Variants in XKR4 observed in about 807,000 individuals in gnomAD.
XKR4 encodes XK-related protein 4.
In XKR4, 12 loss-of-function variants were observed where a neutral mutation model predicts 53.9. The observed-to-expected ratio is 0.22, with a 90% CI of 0.14 to 0.36. XKR4 has a LOEUF of 0.36. Among genes scored for constraint, XKR4 ranks in the 10% least tolerant of loss-of-function variants. The pLI is 1.00. For missense variants in XKR4, 799 were observed against 859.5 expected, an observed-to-expected ratio of 0.93 and a Z score of 0.88; for synonymous variants, 354 against 362.4, an observed-to-expected ratio of 0.98 and a Z score of 0.26.
intron 1 of XKR4, among the ~76,000 whole-genome samples, chr8:55,140,903 G>A (rs1816692866): frequency 1.3e-5 from 2 of 152,154 alleles, no homozygotes; most frequent in Admixed American, 1.3e-4. Flanking sequence ...ATGAACTGTA[G>A]ATGTTCATTT....
intron 2 of XKR4, among the ~76,000 whole-genome samples, chr8:55,440,107 A>T (rs1387794923): frequency 1.3e-5 from 2 of 152,212 alleles, no homozygotes; most frequent in Admixed American, 6.5e-5. Flanking sequence ...GAGAAATTTT[A>T]AAAAACTATC....
chr8:55,143,841 A>T (rs12676272), intron 1 of XKR4, among the ~76,000 whole-genome samples: 43,226 of 152,160 alleles, frequency 0.28, 6,234 homozygotes, highest in South Asian at 0.36. Flanking sequence ...TCCGGTAAAT[A>T]CAGCAAAGAG....
intron 1 of XKR4, among the ~76,000 whole-genome samples, chr8:55,248,419 A>G (rs1388767152): frequency 3.3e-5 from 5 of 152,250 alleles, no homozygotes; most frequent in Admixed American, 3.3e-4. Context: ...ATAGCTCAGC[A>G]TTAGCAGACG....
At chr8:55,235,910 C>T (rs941493860) in intron 1 of XKR4, among the ~76,000 whole-genome samples, 7 of 152,166 alleles carry the variant, frequency 4.6e-5, no homozygotes, top group Non-Finnish European at 1.0e-4. Context: ...AGCTTTGGGC[C>T]ATGATTTTTC....
chr8:55,115,455 A>T (rs1031939), intron 1 of XKR4, among the ~76,000 whole-genome samples: 128,758 of 152,038 alleles, frequency 0.85, 54,627 homozygotes, highest in East Asian at 0.93. Flanking sequence ...AATGTTTTGA[A>T]TGGCAAAAGA....
chr8:55,133,746 ATATTTGC>A (rs1816587651), intron 1 of XKR4, among the ~76,000 whole-genome samples: 1 of 152,266 alleles, frequency 6.6e-6, no homozygotes, highest in African/African-American at 2.4e-5. Context: ...ATAATGAAGG[ATATTTGC>A]TCACCTCAGT....
intron 1 of XKR4, among the ~76,000 whole-genome samples, chr8:55,157,298 T>G (rs769882136): frequency 6.6e-6 from 1 of 152,204 alleles, no homozygotes; most frequent in Non-Finnish European, 1.5e-5. Flanking sequence ...TGGAATAATG[T>G]GTATTGAAGG....
intron 1 of XKR4, among the ~76,000 whole-genome samples, chr8:55,276,800 CA>C (rs935760115): frequency 5.7e-4 from 87 of 151,530 alleles, no homozygotes; most frequent in African/African-American, 1.9e-3. Context: ...TGCAATAATT[CA>C]AAAAAAGGGC....
At chr8:55,149,227 C>G (rs1336164924) in intron 1 of XKR4, among the ~76,000 whole-genome samples, 1 of 152,178 alleles carries the variant, frequency 6.6e-6, no homozygotes, top group African/African-American at 2.4e-5. Flanking sequence ...ATCCAGCTAT[C>G]CTGATTGTCC....
chr8:55,401,927 TA>T (rs1804607275), intron 2 of XKR4, among the ~76,000 whole-genome samples: 1 of 152,236 alleles, frequency 6.6e-6, no homozygotes, highest in Non-Finnish European at 1.5e-5. Flanking sequence ...AAATTAGCAT[TA>T]CATGTTAACA....
At chr8:55,397,146 A>G (rs1358646655) in intron 2 of XKR4, among the ~76,000 whole-genome samples, 2 of 152,262 alleles carry the variant, frequency 1.3e-5, no homozygotes, top group African/African-American at 4.8e-5. Context: ...AACTCAAAAG[A>G]AAATTAACTT....
chr8:55,527,088 C>T lies in XKR4; in HGVS notation c.*2861C>T, dbSNP rs1473458302. On this transcript the variant is annotated 3_prime_UTR_variant, in exon 3 of 3. Coordinates refer to ENST00000327381, the MANE Select transcript of XKR4 (RefSeq NM_052898.2). ...AGCCTTGCTTCCATGATTCAGGAAGCACTACACTGCCATCAGACTGTTGTG... is the reference window on the plus strand; with the variant it reads ...AGCCTTGCTTCCATGATTCAGGAAGTACTACACTGCCATCAGACTGTTGTG... 6.6e-6 allele frequency: 1 copy of T among 152,152 alleles called. No individual in the cohort carries two copies. Among genetic ancestry groups the T allele is most frequent in the African/African-American group, 2.4e-5 (1 of 41,448 alleles). The allele number at this position is 152,152 out of a possible 1,614,324, so 9.4% of individuals were successfully genotyped here. A position where few individuals can be genotyped will look rare whatever the true frequency, so the allele number is the denominator to read the frequency against.
chr8:55,487,524 C>T (rs369624805), intron 2 of XKR4, among the ~76,000 whole-genome samples: 67 of 151,184 alleles, frequency 4.4e-4, no homozygotes, highest in African/African-American at 1.5e-3. Flanking sequence ...TGGAGCACAG[C>T]GGAACAATCC....
chr8:55,133,480 G>A (rs955780797), intron 1 of XKR4, among the ~76,000 whole-genome samples: 2 of 152,120 alleles, frequency 1.3e-5, no homozygotes, highest in Non-Finnish European at 2.9e-5. Context: ...TTCAATGGTT[G>A]GTCTAATGGA....
intron 1 of XKR4, among the ~76,000 whole-genome samples, chr8:55,304,704 A>G (rs1819265062): frequency 6.6e-6 from 1 of 152,160 alleles, no homozygotes; most frequent in Non-Finnish European, 1.5e-5. Context: ...ATATATATTT[A>G]GGATAGATAG....
At chr8:55,223,787 C>T (rs369198755) in intron 1 of XKR4, among the ~76,000 whole-genome samples, 4 of 152,110 alleles carry the variant, frequency 2.6e-5, no homozygotes, top group African/African-American at 4.8e-5. Context: ...TGTTACCTTT[C>T]GCCGGAGGGC....
intron 1 of XKR4, among the ~76,000 whole-genome samples, chr8:55,178,910 C>T (rs1300131185): frequency 1.3e-5 from 2 of 152,164 alleles, no homozygotes; most frequent in Non-Finnish European, 2.9e-5. Flanking sequence ...ACACTCCTCT[C>T]AGTAGCAGAG....
intron 1 of XKR4, among the ~76,000 whole-genome samples, chr8:55,172,201 A>ACT (rs1279039729): frequency 2.0e-5 from 3 of 146,578 alleles, no homozygotes; most frequent in Non-Finnish European, 1.5e-5. Flanking sequence ...ACAGAGCAAG[A>ACT]CTCTCTCTCA....
At chr8:55,367,941 C>CGTTTT (rs903041389) in intron 2 of XKR4, among the ~76,000 whole-genome samples, 8 of 151,886 alleles carry the variant, frequency 5.3e-5, no homozygotes, top group South Asian at 2.1e-4. Context: ...CATAGCGATG[C>CGTTTT]GTTTTGTTTT....
Sources: gnomAD v4.1 joint callset for allele counts (sites outside exome capture counted in the v4.1 genomes callset) on GRCh38, gnomAD v4.1.1 for gene constraint, MANE v1.5 for transcripts, NCBI Gene and HGNC (gene_info 2026-07-23, HGNC 2026-07-21) for gene names.